NOXA1: variants seen among roughly 807,000 people sequenced by gnomAD.
NOXA1 encodes NADPH oxidase activator 1.
Under a neutral mutation model 64.8 loss-of-function variants are expected in NOXA1, and 56 were observed. The ratio of observed to expected loss-of-function variants is 0.86; its 90% CI spans 0.70 to 1.08. NOXA1 has a LOEUF of 1.08. NOXA1 is among the 50% of genes least tolerant of loss of function. The probability of loss-of-function intolerance (pLI) is 0.00; values close to 1 mark genes in which losing one functional copy is unlikely to be tolerated. For missense variants in NOXA1, 668 were observed against 658.5 expected, an observed-to-expected ratio of 1.01 and a Z score of -0.16; for synonymous variants, 295 against 294.8, an observed-to-expected ratio of 1.00 and a Z score of -0.01.
chr9:137,429,073 G>C (rs1186676748), intron 4 of NOXA1, 57 bp downstream of exon 4: 7 of 1,472,976 alleles, frequency 4.8e-6, no homozygotes, highest in Non-Finnish European at 6.3e-6. Flanking sequence ...AGCTCCTCAA[G>C]ACCAATTTCA....
In NOXA1 at chr9:137,431,166, G is replaced by A; in HGVS notation, c.698+66G>A. 2 of 1,611,244 alleles carry A rather than the reference G, an allele frequency of 1.2e-6. No individual in the cohort carries two copies. The highest frequency in any genetic ancestry group is 1.7e-6 in the Non-Finnish European group (2 of 1,178,804). ...CTGCTGGGCAGAGGCCCTCCACATG[G>A]GGCCACGCGGGCCGGGCACAGGAGG... On this transcript the variant is annotated intron_variant, in intron 7 of 13. Transcript: ENST00000683555. The surrounding 1 kb of genome is among the most constrained non-coding windows in gnomAD (Gnocchi z 5.6).
intron 5 of NOXA1, 101 bp from the exon 6 acceptor site, chr9:137,430,683 C>A: frequency 9.8e-7 from 1 of 1,025,594 alleles, no homozygotes; most frequent in Non-Finnish European, 1.4e-6. Context: ...TCACCCAGCC[C>A]CCGGGGACTT....
rs1838846343 is a variant in NOXA1 at position 137,426,309 on chromosome 9, T to C, written c.239T>C (p.Val80Ala). 13 of 1,613,604 alleles carry C rather than the reference T, an allele frequency of 8.1e-6. No homozygotes were observed. The East Asian group carries it at 2.9e-4, about 36-fold the overall frequency. ...GCGGTTGGCTTCTTCCAGCGAGGAG[T>C]GGCCAACTTCCAGCTGGCAAGGTGA... ...CMAVGFFQRG[V>A]ANFQLARFQE... is the part of the protein sequence containing the mutation. The change falls in exon 2 of 14, where the codon GTG (valine) becomes GCG (alanine). Residue 80 changes from valine to alanine, a missense_variant. Val to Ala is a moderately conservative substitution (Grantham distance 64, BLOSUM62 0). Coordinates refer to ENST00000683555, the MANE Select transcript of NOXA1 (RefSeq NM_001256067.2).
At position 137,428,084 on chromosome 9, in the gene NOXA1, C is replaced by A; in HGVS notation, c.312C>A (p.Gly104=). The part of the protein sequence containing the change: ...DFWLALEQLR[G]HAAIDYTQLG... ...GGCTGGCCCTGGAGCAGCTGAGGGG[C>A]CACGCTGCCATCGACTACACGCAGC... Residue 104 remains glycine, a synonymous_variant, in exon 3 of 14, where the codon GGC becomes GGA. Transcript: ENST00000683555. 1.3e-6 allele frequency: 2 copies of A among 1,587,626 alleles called. No homozygotes were observed. The highest frequency in any genetic ancestry group is 2.0e-4 in the Middle Eastern group (1 of 5,060).
chr9:137,427,730 CA>C (rs1249496403), intron 2 of NOXA1, among the ~76,000 whole-genome samples: 1 of 152,204 alleles, frequency 6.6e-6, no homozygotes, highest in Non-Finnish European at 1.5e-5. Context: ...GGGAAATAAC[CA>C]GGGCTCTCTG....
intron 8 of NOXA1, among the ~76,000 whole-genome samples, chr9:137,432,681 CAG>C (rs1358156029): frequency 6.6e-6 from 1 of 152,256 alleles, no homozygotes; most frequent in Non-Finnish European, 1.5e-5. Context: ...GTGCCCAACT[CAG>C]GGCACACGGT....
rs1196643865 is a variant in NOXA1 at position 137,423,722 on chromosome 9, G to A, written c.177+16G>A. On this transcript the variant is annotated intron_variant, in intron 1 of 13. Transcript: ENST00000683555. ...CGCGCTGCGGGTGAGCGGGGCGTGG[G>A]GAGGCCGGTGCGGGCGACGCCTCCG... is the stretch of plus-strand genomic sequence containing the variant. 1 of 1,262,384 alleles carries A rather than the reference G, an allele frequency of 7.9e-7. No individual in the cohort carries two copies. Among genetic ancestry groups the A allele is most frequent in the Non-Finnish European group, 9.9e-7 (1 of 1,006,520 alleles). 78.2% of individuals were successfully genotyped at this position (1,262,384 alleles called of 1,614,324 possible). A position where few individuals can be genotyped will look rare whatever the true frequency, so the allele number is the denominator to read the frequency against.
chr9:137,423,731 T>C, intron 1 of NOXA1, 25 bp downstream of exon 1: 2 of 1,248,166 alleles, frequency 1.6e-6, no homozygotes, highest in Non-Finnish European at 2.0e-6. Flanking sequence ...GGGAGGCCGG[T>C]GCGGGCGACG....
chr9:137,432,213 G>T (rs1839135222), intron 8 of NOXA1, among the ~76,000 whole-genome samples: 1 of 150,746 alleles, frequency 6.6e-6, no homozygotes, highest in Non-Finnish European at 1.5e-5. Context: ...CTGGGAGGTG[G>T]AGGCTGCAGT....
intron 11 of NOXA1, 69 bp from the exon 12 acceptor site, chr9:137,433,681 G>A (rs1839224873): frequency 6.6e-7 from 1 of 1,506,168 alleles, no homozygotes; most frequent in Non-Finnish European, 8.9e-7. Flanking sequence ...TGGAAGAGGG[G>A]GTGGCAGAGG....
At chr9:137,428,231 C>G in intron 3 of NOXA1, 90 bp downstream of exon 3, 1 of 902,248 alleles carries the variant, frequency 1.1e-6, no homozygotes, top group Non-Finnish European at 1.7e-6. Flanking sequence ...GACTGGGGAG[C>G]GCCTCTGGCC....
At position 137,431,218 on chromosome 9, in the gene NOXA1, C is replaced by A. The variant is rs1321275337; in HGVS notation, c.699-18C>A. On this transcript the variant is annotated intron_variant, in intron 7 of 13. Transcript: ENST00000683555. This position sits in a 1 kb window ranked among gnomAD's most constrained non-coding sequence, Gnocchi z 5.6. ...CAGTCAGATGGGCAGGGCCTGAGAGCCTCCCTCCTCTCCCTAGGTCCCTAA... is the reference window on the plus strand; with the variant it reads ...CAGTCAGATGGGCAGGGCCTGAGAGACTCCCTCCTCTCCCTAGGTCCCTAA... 1.9e-6 allele frequency: 3 copies of A among 1,607,312 alleles called. No homozygotes were observed. Among genetic ancestry groups the A allele is most frequent in the Non-Finnish European group, 1.7e-6 (2 of 1,175,636 alleles).
intron 5 of NOXA1, 111 bp downstream of exon 5, chr9:137,429,494 TAG>T (rs1395497529): frequency 5.3e-6 from 4 of 755,656 alleles, no homozygotes; most frequent in Non-Finnish European, 8.5e-6. Context: ...GCCAGGAGGG[TAG>T]AGAGTGGGCC....
At chr9:137,426,777 C>A (rs970938434) in intron 2 of NOXA1, among the ~76,000 whole-genome samples, 1 of 152,222 alleles carries the variant, frequency 6.6e-6, no homozygotes, top group Non-Finnish European at 1.5e-5. Flanking sequence ...AAATAAAATT[C>A]TGTAAAAGAT....
At position 137,423,401 on chromosome 9, in the gene NOXA1, T is replaced by G. The variant is rs1434411516; in HGVS notation, c.-129T>G. 2.9e-5 allele frequency: 12 copies of G among 416,488 alleles called. No individual in the cohort carries two copies. The highest frequency in any genetic ancestry group is 4.3e-5 in the Non-Finnish European group (12 of 277,824). 25.8% of individuals were successfully genotyped at this position (416,488 alleles called of 1,614,324 possible). Reference sequence around the variant, plus strand: ...AGGGGGCGCCGCGGGGCAGCGGGGTTGCACCTGGCGCTTGGCGCCCGCACC... The same window carrying G: ...AGGGGGCGCCGCGGGGCAGCGGGGTGGCACCTGGCGCTTGGCGCCCGCACC... On this transcript the variant is annotated 5_prime_UTR_variant, in exon 1 of 14. Coordinates refer to ENST00000683555, the MANE Select transcript of NOXA1 (RefSeq NM_001256067.2).
chr9:137,424,114 C>T (rs547845738), intron 1 of NOXA1, among the ~76,000 whole-genome samples: 143 of 152,090 alleles, frequency 9.4e-4, no homozygotes, highest in Non-Finnish European at 2.0e-3. Flanking sequence ...GTGCAGCGGC[C>T]GAGGCCCTGC....
chr9:137,429,849 C>T (rs1231568052), intron 5 of NOXA1, among the ~76,000 whole-genome samples: 1 of 3,224 alleles, frequency 3.1e-4, no homozygotes, highest in East Asian at 0.015. Context: ...AGCGAGGTCC[C>T]GGGGGGGGGG....
chr9:137,428,587 G>C (rs1367239843), intron 3 of NOXA1, among the ~76,000 whole-genome samples: 1 of 151,544 alleles, frequency 6.6e-6, no homozygotes, highest in Non-Finnish European at 1.5e-5. Flanking sequence ...AAGCCCACTG[G>C]TGTGGGTCTG....
intron 4 of NOXA1, 32 bp from the exon 5 acceptor site, chr9:137,429,244 G>C: frequency 6.8e-7 from 1 of 1,477,752 alleles, no homozygotes; most frequent in Non-Finnish European, 9.1e-7. Context: ...TGGTCACCCC[G>C]TCTGCATCTG....
Sources: gnomAD v4.1 joint callset for allele counts (sites outside exome capture counted in the v4.1 genomes callset) on GRCh38, gnomAD v4.1.1 for gene constraint, Gnocchi (gnomAD v3.1) non-coding constraint, MANE v1.5 for transcripts, NCBI Gene and HGNC (gene_info 2026-07-23, HGNC 2026-07-21) for gene names.